The following CCDC171 variants were observed in gnomAD, a reference collection of about 807,000 sequenced individuals.
CCDC171 encodes the protein coiled-coil domain containing 171.
In CCDC171, 177 loss-of-function variants were observed where a neutral mutation model predicts 168.2. The observed-to-expected ratio is 1.05, with a 90% CI of 0.93 to 1.19. The LOEUF is 1.19. Ranked by LOEUF, CCDC171 falls within the 50% of genes most tolerant of loss-of-function variation. The probability of loss-of-function intolerance (pLI) is 0.00; values close to 1 mark genes in which losing one functional copy is unlikely to be tolerated. For missense variants in CCDC171, 1,991 were observed against 1,539.0 expected (o/e 1.29, Z -4.91); for synonymous variants, 687 against 540.8 (o/e 1.27, Z -3.75).
rs897540940 is a variant in CCDC171 at position 15,585,748 on chromosome 9, C to T, written c.353-5618C>T. Among the ~76,000 whole-genome samples, 37 of 152,154 alleles carry T rather than the reference C, an allele frequency of 2.4e-4. 1 individual carries two copies. Among genetic ancestry groups the T allele is most frequent in the African/African-American group, 8.2e-4 (34 of 41,508 alleles). ...ATCCCAGCACTTTGGGAGGTGGAGG[C>T]GGGTGGATCGCTTGAACCCAGGAAT... On this transcript the variant is annotated intron_variant, in intron 4 of 25. Coordinates refer to ENST00000380701, the MANE Select transcript of CCDC171 (RefSeq NM_173550.4).
intron 6 of CCDC171, among the ~76,000 whole-genome samples, chr9:15,608,297 T>G (rs1477167455): frequency 6.6e-6 from 1 of 152,186 alleles, no homozygotes; most frequent in African/African-American, 2.4e-5. Flanking sequence ...AACACTGACA[T>G]TGAGATTTAA....
chr9:15,860,238 C>G (rs2061503676), intron 23 of CCDC171, among the ~76,000 whole-genome samples: 1 of 151,186 alleles, frequency 6.6e-6, no homozygotes, highest in Non-Finnish European at 1.5e-5. Context: ...CTGATTTTCT[C>G]TATTGTGTTT....
intron 7 of CCDC171, among the ~76,000 whole-genome samples, chr9:15,651,013 C>T: frequency 6.6e-6 from 1 of 152,148 alleles, no homozygotes; most frequent in Non-Finnish European, 1.5e-5. Flanking sequence ...CCACCCACAC[C>T]CTGACACCCT....
At chr9:16,011,153 C>A (rs1832857452) in intron 3 of CCDC171, among the ~76,000 whole-genome samples, 1 of 152,082 alleles carries the variant, frequency 6.6e-6, no homozygotes, top group Admixed American at 6.5e-5. Flanking sequence ...TGTCTCCTGG[C>A]ACGTGTATGT....
At chr9:15,785,867 A>G (rs931473281) in intron 21 of CCDC171, among the ~76,000 whole-genome samples, 29 of 152,042 alleles carry the variant, frequency 1.9e-4, no homozygotes, top group African/African-American at 6.8e-4. Flanking sequence ...TCTGTGAGGT[A>G]GGTACTATTA....
chr9:15,978,288 A>G (rs1005795830), downstream of CCDC171, among the ~76,000 whole-genome samples: 1 of 152,218 alleles, frequency 6.6e-6, no homozygotes, highest in Non-Finnish European at 1.5e-5. Flanking sequence ...TATGAAGCAG[A>G]GTTCTCATTC....
At chr9:15,684,608 G>C (rs984662108) in intron 10 of CCDC171, among the ~76,000 whole-genome samples, 4 of 152,062 alleles carry the variant, frequency 2.6e-5, no homozygotes, top group African/African-American at 9.7e-5. Context: ...GCAAAAAAGT[G>C]AGCATGAGGT....
chr9:15,958,120 A>C (rs942440723), intron 25 of CCDC171, among the ~76,000 whole-genome samples: 1 of 151,354 alleles, frequency 6.6e-6, no homozygotes, highest in African/African-American at 2.4e-5. Context: ...TCATCCATTC[A>C]TTCATTCATT....
At chr9:15,995,883 T>G (rs1443228381) in intron 3 of CCDC171, among the ~76,000 whole-genome samples, 1 of 152,212 alleles carries the variant, frequency 6.6e-6, no homozygotes, top group East Asian at 1.9e-4. Context: ...ATGGGGTAGA[T>G]CCACTCTTTC....
At chr9:15,894,346 G>C (rs546422495) in intron 24 of CCDC171, among the ~76,000 whole-genome samples, 6 of 152,008 alleles carry the variant, frequency 3.9e-5, no homozygotes, top group African/African-American at 1.4e-4. Flanking sequence ...CTAGGTGATG[G>C]GATGATCTGC....
intron 1 of CCDC171, among the ~76,000 whole-genome samples, chr9:16,045,303 G>C (rs901613897): frequency 1.1e-4 from 16 of 152,294 alleles, no homozygotes; most frequent in African/African-American, 2.9e-4. Context: ...TCGTCAAGGT[G>C]GTGGCCACTG....
At chr9:15,576,378 G>C (rs1391988432) in intron 3 of CCDC171, among the ~76,000 whole-genome samples, 2 of 151,866 alleles carry the variant, frequency 1.3e-5, no homozygotes, top group East Asian at 3.9e-4. Context: ...TGTAGACATG[G>C]GGTCTTGCTG....
intron 7 of CCDC171, among the ~76,000 whole-genome samples, chr9:15,644,878 A>G (rs2046913453): frequency 6.6e-6 from 1 of 152,234 alleles, no homozygotes; most frequent in Admixed American, 6.5e-5. Flanking sequence ...CCTGTCTGAC[A>G]GCTTTGAAGA....
At chr9:15,689,535 AC>A (rs1269758876) in intron 10 of CCDC171, among the ~76,000 whole-genome samples, 1 of 152,070 alleles carries the variant, frequency 6.6e-6, no homozygotes, top group Non-Finnish European at 1.5e-5. Context: ...ACATGGTGAA[AC>A]CCCGTCTCTA....
At chr9:15,650,089 G>T (rs1346044188) in intron 7 of CCDC171, among the ~76,000 whole-genome samples, 2 of 152,192 alleles carry the variant, frequency 1.3e-5, no homozygotes, top group African/African-American at 4.8e-5. Flanking sequence ...ATGAGTTCAT[G>T]TCCTTTGTAG....
chr9:16,013,654 G>A (rs1480332645), intron 3 of CCDC171, among the ~76,000 whole-genome samples: 4 of 152,142 alleles, frequency 2.6e-5, no homozygotes, highest in South Asian at 2.1e-4. Context: ...GGTATGCCTC[G>A]GAGATATTGT....
At chr9:15,720,352 TCTA>T (rs1233312248) in intron 11 of CCDC171, among the ~76,000 whole-genome samples, 1 of 152,174 alleles carries the variant, frequency 6.6e-6, no homozygotes, top group African/African-American at 2.4e-5. Context: ...TAATTTTTTA[TCTA>T]CTATCTTTCT....
chr9:15,916,842 G>A (rs564807928), intron 24 of CCDC171, among the ~76,000 whole-genome samples: 27 of 152,068 alleles, frequency 1.8e-4, no homozygotes, highest in Admixed American at 1.3e-3. Context: ...TTCTTGTTCA[G>A]AAACTGTCTT....
At chr9:16,087,235 G>T in the CCDC171 span, among the ~76,000 whole-genome samples, 2 of 152,152 alleles carry the variant, frequency 1.3e-5, no homozygotes, top group Non-Finnish European at 2.9e-5. Context: ...TTCTGTAGAT[G>T]TCTATTAGGT....
Sources: allele counts gnomAD v4.1 joint callset (sites outside exome capture counted in the v4.1 genomes callset), GRCh38; gene constraint gnomAD v4.1.1; transcripts MANE v1.5; gene names NCBI Gene and HGNC (gene_info 2026-07-23, HGNC 2026-07-21).